Variants in KCNH1 observed in about 807,000 individuals in gnomAD.
The protein encoded by KCNH1 is voltage-gated delayed rectifier potassium channel KCNH1.
A neutral mutation model predicts 69.2 loss-of-function variants in KCNH1; 27 were observed. That is an observed-to-expected ratio of 0.39 (90% CI 0.29 to 0.54). KCNH1 has a LOEUF of 0.54. Among genes scored for constraint, KCNH1 ranks in the 20% least tolerant of loss-of-function variants. The probability of loss-of-function intolerance (pLI) is 0.68; values close to 1 mark genes in which losing one functional copy is unlikely to be tolerated. For synonymous variants in KCNH1, 456 were observed against 487.7 expected, an observed-to-expected ratio of 0.93 and a Z score of 0.86; for missense variants, 798 against 1,261.6, an observed-to-expected ratio of 0.63 and a Z score of 5.57.
chr1:210,695,859 T>TG (rs1395148621), intron 10 of KCNH1, among the ~76,000 whole-genome samples: 2 of 152,238 alleles, frequency 1.3e-5, no homozygotes, highest in African/African-American at 4.8e-5. Context: ...GGCTGGGCAC[T>TG]GGCCAGTCAG....
In KCNH1 at chr1:210,730,663, C is replaced by T. The variant is rs373792440; in HGVS notation, c.2112+44685G>A. Among the ~76,000 whole-genome samples the T allele has an allele frequency of 5.3e-5, 8 of 152,128 alleles. No individual in the cohort carries two copies. The East Asian group carries it at 1.5e-3, about 29-fold the overall frequency. ...GTGGGTGGGGGTGGGAGTCTGAGCG[C>T]ACGGGAGGTCAGATGTGGCAGCAAG... On this transcript the variant is annotated intron_variant, in intron 10 of 10. Transcript: ENST00000271751.
intron 7 of KCNH1, among the ~76,000 whole-genome samples, chr1:210,896,715 T>A (rs1386263290): frequency 6.6e-6 from 1 of 152,124 alleles, no homozygotes; most frequent in Admixed American, 6.5e-5. Flanking sequence ...TCTTTAGAAT[T>A]CATGTCAATC....
intron 10 of KCNH1, among the ~76,000 whole-genome samples, chr1:210,737,877 TTTCTACCCTTG>T (rs1309301688): frequency 6.6e-6 from 1 of 152,242 alleles, no homozygotes; most frequent in African/African-American, 2.4e-5. Flanking sequence ...CATCTCCCTG[TTTCTACCCTTG>T]TCCCACTCTG....
chr1:210,958,252 C>A (rs921524731), intron 6 of KCNH1, among the ~76,000 whole-genome samples: 23 of 152,178 alleles, frequency 1.5e-4, no homozygotes, highest in South Asian at 4.1e-4. Context: ...TCTCTTCTGG[C>A]TTGTAGGGTT....
intron 10 of KCNH1, among the ~76,000 whole-genome samples, chr1:210,734,312 T>G (rs1682818925): frequency 1.3e-5 from 2 of 152,174 alleles, no homozygotes; most frequent in African/African-American, 4.8e-5. Flanking sequence ...AGCCCCCAGA[T>G]GCAGGGACCT....
intron 6 of KCNH1, among the ~76,000 whole-genome samples, chr1:210,982,161 C>G (rs1688722811): frequency 6.6e-6 from 1 of 151,808 alleles, no homozygotes; most frequent in South Asian, 2.1e-4. Flanking sequence ...TTTTCAACAT[C>G]CACACAGGAA....
chr1:211,090,743 C>T, intron 3 of KCNH1, 53 bp from the exon 4 acceptor site: 2 of 1,524,216 alleles, frequency 1.3e-6, no homozygotes, highest in African/African-American at 1.4e-5. Flanking sequence ...ATTTGAGGGG[C>T]TATGGAAGCA....
chr1:210,872,405 A>G (rs958195619), intron 7 of KCNH1, among the ~76,000 whole-genome samples: 1 of 152,160 alleles, frequency 6.6e-6, no homozygotes, highest in African/African-American at 2.4e-5. Context: ...TACAAAAAAG[A>G]GTGTGTCCTT....
At chr1:211,064,273 T>C (rs143423927) in intron 5 of KCNH1, among the ~76,000 whole-genome samples, 169 of 152,160 alleles carry the variant, frequency 1.1e-3, no homozygotes, top group African/African-American at 3.7e-3. Flanking sequence ...AAAAATCAAG[T>C]GAATTGGCCG....
At chr1:210,881,354 A>G (rs549882674) in intron 7 of KCNH1, among the ~76,000 whole-genome samples, 156 of 152,296 alleles carry the variant, frequency 1.0e-3, no homozygotes, top group South Asian at 2.1e-3. Flanking sequence ...CCAAATCCAG[A>G]ATACTAACTA....
chr1:210,956,091 T>G (rs988647736), intron 6 of KCNH1, among the ~76,000 whole-genome samples: 2 of 152,212 alleles, frequency 1.3e-5, no homozygotes, highest in African/African-American at 4.8e-5. Flanking sequence ...GTACCTAGTT[T>G]ATTGAGAGTT....
At chr1:210,879,949 T>C (rs1237591980) in intron 7 of KCNH1, among the ~76,000 whole-genome samples, 2 of 152,106 alleles carry the variant, frequency 1.3e-5, no homozygotes, top group East Asian at 1.9e-4. Flanking sequence ...ATGTCAGCAA[T>C]GAACAGGTGG....
chr1:211,014,218 G>C (rs4146993), intron 6 of KCNH1, among the ~76,000 whole-genome samples: 8,877 of 152,182 alleles, frequency 0.058, 328 homozygotes, highest in East Asian at 0.18. Flanking sequence ...GAGTGAATCT[G>C]TTTTGTCAGT....
intron 7 of KCNH1, among the ~76,000 whole-genome samples, chr1:210,844,484 A>T (rs1313947481): frequency 6.6e-6 from 1 of 152,246 alleles, no homozygotes; most frequent in African/African-American, 2.4e-5. Context: ...ACTACTGGGT[A>T]TATAATGAAA....
intron 6 of KCNH1, 32 bp downstream of exon 6, chr1:211,018,751 T>C: frequency 6.6e-6 from 10 of 1,525,352 alleles, no homozygotes; most frequent in Non-Finnish European, 8.9e-6. Flanking sequence ...TTTAAAGACA[T>C]GACAACAAGG....
In KCNH1 at chr1:210,749,033, G is replaced by C. The variant is rs114012801; in HGVS notation, c.2112+26315C>G. On this transcript the variant is annotated intron_variant, in intron 10 of 10. Coordinates refer to ENST00000271751, the MANE Select transcript of KCNH1 (RefSeq NM_172362.3). ...CCTCTTGCCTTCCTGTACTGCCCCA[G>C]TTTGAATTCTCCCCAGGCTCTCCTG... Among the ~76,000 whole-genome samples the C allele has an allele frequency of 2.0e-3, 311 of 152,228 alleles. 2 individuals carry two copies. The highest frequency in any genetic ancestry group is 7.2e-3 in the African/African-American group (299 of 41,538).
intron 7 of KCNH1, among the ~76,000 whole-genome samples, chr1:210,829,044 T>C (rs755038739): frequency 2.6e-5 from 4 of 152,206 alleles, no homozygotes; most frequent in Non-Finnish European, 4.4e-5. Flanking sequence ...AAGTATGTTG[T>C]GTAGAGTATT....
chr1:210,928,769 A>G (rs1687627417), intron 6 of KCNH1, among the ~76,000 whole-genome samples: 1 of 152,160 alleles, frequency 6.6e-6, no homozygotes, highest in Non-Finnish European at 1.5e-5. Context: ...GAAAAGATAG[A>G]TAAAATTGAT....
chr1:210,860,497 C>G (rs1558500891), intron 7 of KCNH1: 1 of 841,090 alleles, frequency 1.2e-6, no homozygotes, highest in East Asian at 2.4e-5. Flanking sequence ...TTCATCTGGC[C>G]CTGTCTGGAT....
Sources: gnomAD v4.1 joint callset for allele counts (sites outside exome capture counted in the v4.1 genomes callset) on GRCh38, gnomAD v4.1.1 for gene constraint, MANE v1.5 for transcripts, NCBI Gene and HGNC (gene_info 2026-07-23, HGNC 2026-07-21) for gene names.